KCNQ3: variants seen among roughly 807,000 people sequenced by gnomAD.
KCNQ3 encodes the protein potassium voltage-gated channel subfamily Q member 3.
Under a neutral mutation model 92.5 loss-of-function variants are expected in KCNQ3, and 30 were observed. The observed-to-expected ratio is 0.32, with a 90% CI of 0.24 to 0.44. KCNQ3 has a LOEUF of 0.44. Among genes scored for constraint, KCNQ3 ranks in the 20% least tolerant of loss-of-function variants. The probability of loss-of-function intolerance (pLI) is 1.00; values close to 1 mark genes in which losing one functional copy is unlikely to be tolerated. For synonymous variants in KCNQ3, 450 were observed against 468.8 expected (o/e 0.96, Z 0.52); for missense variants, 913 against 1,140.3 (o/e 0.80, Z 2.87).
chr8:132,352,627 CAAGT>C (rs1206022858), intron 1 of KCNQ3, among the ~76,000 whole-genome samples: 18 of 152,290 alleles, frequency 1.2e-4, no homozygotes, highest in Admixed American at 2.0e-4. Context: ...CAAGGTGGCA[CAAGT>C]AAGTGATAGC....
chr8:132,414,374 C>T (rs1820737429), intron 1 of KCNQ3, among the ~76,000 whole-genome samples: 2 of 152,196 alleles, frequency 1.3e-5, no homozygotes, highest in African/African-American at 4.8e-5. Context: ...CCCCTCAACC[C>T]CACTAGATTT....
intron 1 of KCNQ3, among the ~76,000 whole-genome samples, chr8:132,359,080 C>T (rs963329039): frequency 5.9e-5 from 9 of 152,310 alleles, no homozygotes; most frequent in Admixed American, 2.6e-4. Flanking sequence ...TTGACCTCTC[C>T]ATATCCTCAT....
chr8:132,316,302 C>T (rs1414759052), intron 1 of KCNQ3, among the ~76,000 whole-genome samples: 2 of 152,132 alleles, frequency 1.3e-5, no homozygotes, highest in Non-Finnish European at 2.9e-5. Flanking sequence ...TATCTTCTCC[C>T]CTTCTGAGTC....
chr8:132,325,637 G>A (rs1431961012), intron 1 of KCNQ3, among the ~76,000 whole-genome samples: 1 of 152,198 alleles, frequency 6.6e-6, no homozygotes, highest in African/African-American at 2.4e-5. Context: ...CATCTACAAG[G>A]CAAGGACAGA....
chr8:132,312,348 G>C (rs1448089618), intron 1 of KCNQ3, among the ~76,000 whole-genome samples: 1 of 152,190 alleles, frequency 6.6e-6, no homozygotes, highest in East Asian at 1.9e-4. Flanking sequence ...AGCAGATACT[G>C]TTTTCAGTCA....
chr8:132,474,928 C>A (rs1175453023), intron 1 of KCNQ3, among the ~76,000 whole-genome samples: 1 of 152,140 alleles, frequency 6.6e-6, no homozygotes, highest in African/African-American at 2.4e-5. Flanking sequence ...ATTGTAATCC[C>A]CACATGTTTC....
intron 9 of KCNQ3, among the ~76,000 whole-genome samples, chr8:132,143,671 C>G (rs1043241726): frequency 6.6e-6 from 1 of 152,200 alleles, no homozygotes; most frequent in Non-Finnish European, 1.5e-5. Flanking sequence ...ATGTCGAGTG[C>G]TCAGCCAACT....
At chr8:132,143,464 T>A (rs772455228) in intron 9 of KCNQ3, among the ~76,000 whole-genome samples, 36 of 152,116 alleles carry the variant, frequency 2.4e-4, no homozygotes, top group Non-Finnish European at 4.6e-4. Context: ...ACAGCACATT[T>A]CCCTGCTCAG....
intron 1 of KCNQ3, among the ~76,000 whole-genome samples, chr8:132,435,318 C>T (rs1320407674): frequency 6.6e-6 from 1 of 152,174 alleles, no homozygotes; most frequent in East Asian, 1.9e-4. Flanking sequence ...GGTACAAGAA[C>T]AGGTCTGGGG....
At chr8:132,181,044 A>G (rs1415545167) in intron 3 of KCNQ3, among the ~76,000 whole-genome samples, 2 of 152,086 alleles carry the variant, frequency 1.3e-5, no homozygotes, top group Non-Finnish European at 2.9e-5. Context: ...CCTAAGCTTG[A>G]GAGAAGGCCT....
intron 1 of KCNQ3, among the ~76,000 whole-genome samples, chr8:132,382,940 C>A (rs562966472): frequency 6.6e-6 from 1 of 152,298 alleles, no homozygotes; most frequent in African/African-American, 2.4e-5. Flanking sequence ...AAGGCAAGTA[C>A]CTGCCTCAGG....
chr8:132,440,505 G>A (rs962163348), intron 1 of KCNQ3, among the ~76,000 whole-genome samples: 4 of 152,146 alleles, frequency 2.6e-5, no homozygotes, highest in African/African-American at 9.7e-5. Context: ...AGTGTAATGT[G>A]CCCTGAAGAG....
chr8:132,277,706 G>A lies in KCNQ3; in HGVS notation c.387-91525C>T, dbSNP rs1337194122. Among the ~76,000 whole-genome samples, 9 of 152,148 alleles carry A rather than the reference G, an allele frequency of 5.9e-5. No homozygotes were observed. The South Asian group carries it at 1.5e-3, about 25-fold the overall frequency. The stretch of plus-strand genomic sequence containing the variant: ...TGAGTTCGCAGACTCGCAGATGCTG[G>A]AGTTGGAAAAGTCCCTGCTGGCAGT... On this transcript the variant is annotated intron_variant, in intron 1 of 14. Coordinates refer to ENST00000388996, the MANE Select transcript of KCNQ3 (RefSeq NM_004519.4).
intron 9 of KCNQ3, among the ~76,000 whole-genome samples, chr8:132,147,035 T>C (rs978552349): frequency 6.6e-6 from 1 of 152,212 alleles, no homozygotes; most frequent in Non-Finnish European, 1.5e-5. Flanking sequence ...TAAAAAAATT[T>C]AAAAAGAACA....
At position 132,281,948 on chromosome 8, in the gene KCNQ3, C is replaced by A. The variant is rs138259570; in HGVS notation, c.387-95767G>T. Among the ~76,000 whole-genome samples the A allele has an allele frequency of 5.3e-5, 8 of 152,320 alleles. No individual in the cohort carries two copies. The East Asian group carries it at 1.4e-3, about 26-fold the overall frequency. On this transcript the variant is annotated intron_variant, in intron 1 of 14. Transcript: ENST00000388996. ...GTGACCTCTCTTCCCTGGGTCTTCACACACATTCTTCCCTCTGTATCAATC... is the reference window on the plus strand; with the variant it reads ...GTGACCTCTCTTCCCTGGGTCTTCAAACACATTCTTCCCTCTGTATCAATC...
intron 3 of KCNQ3, 127 bp from the exon 4 acceptor site, chr8:132,180,456 C>G (rs987029523): frequency 1.0e-6 from 1 of 969,952 alleles, no homozygotes; most frequent in Non-Finnish European, 1.6e-6. Context: ...AATCTGAGCA[C>G]TGCTGTTGAA....
At chr8:132,380,883 T>C (rs1045001266) in intron 1 of KCNQ3, among the ~76,000 whole-genome samples, 3 of 144,712 alleles carry the variant, frequency 2.1e-5, no homozygotes, top group Admixed American at 7.0e-5. Context: ...CCAAGGGAGA[T>C]TGGGCAGGAA....
At chr8:132,447,040 A>C (rs1821696967) in intron 1 of KCNQ3, among the ~76,000 whole-genome samples, 1 of 152,210 alleles carries the variant, frequency 6.6e-6, no homozygotes, top group Non-Finnish European at 1.5e-5. Flanking sequence ...ATCCCACAAC[A>C]AACATTTCCT....
intron 1 of KCNQ3, among the ~76,000 whole-genome samples, chr8:132,470,476 C>T (rs1346529050): frequency 2.6e-5 from 4 of 152,166 alleles, no homozygotes; most frequent in Non-Finnish European, 5.9e-5. Flanking sequence ...TACACACATG[C>T]ACTTATATTG....
Sources: allele counts gnomAD v4.1 joint callset (sites outside exome capture counted in the v4.1 genomes callset), GRCh38; gene constraint gnomAD v4.1.1; transcripts MANE v1.5; gene names NCBI Gene and HGNC (gene_info 2026-07-23, HGNC 2026-07-21).